The following RPH3A variants were observed in gnomAD, a reference collection of about 807,000 sequenced individuals.
RPH3A encodes the protein rabphilin 3A.
Under a neutral mutation model 102.2 loss-of-function variants are expected in RPH3A, and 48 were observed. The ratio of observed to expected loss-of-function variants is 0.47; its 90% confidence interval spans 0.37 to 0.60. RPH3A has a LOEUF of 0.60. Among genes scored for constraint, RPH3A ranks in the 20% least tolerant of loss-of-function variants. The pLI, the probability that RPH3A is intolerant of heterozygous loss-of-function variation, is 0.00. For missense variants in RPH3A, 781 were observed against 910.1 expected (o/e 0.86, Z 1.83); for synonymous variants, 310 against 324.3 (o/e 0.96, Z 0.47).
At chr12:112,784,149 T>C (rs1360555760) in intron 1 of RPH3A, among the ~76,000 whole-genome samples, 1 of 152,128 alleles carries the variant, frequency 6.6e-6, no homozygotes, top group African/African-American at 2.4e-5. Context: ...GGGGTGGCGG[T>C]GGGTAGAAAA....
intron 1 of RPH3A, among the ~76,000 whole-genome samples, chr12:112,694,683 C>CACAG (rs1389232719): frequency 2.9e-5 from 3 of 103,298 alleles, no homozygotes; most frequent in Middle Eastern, 4.3e-3. Context: ...CACACACACA[C>CACAG]AGAGAGAGAG....
At position 112,897,285 on chromosome 12, in the gene RPH3A, C is replaced by T. The variant is rs944255260; in HGVS notation, c.*505C>T. Reference sequence around the variant, plus strand: ...AATAGAGCCTCCGGGCTCCCACTGCCCCCTGAGATGTACACCCTGATTGCC... The same window carrying T: ...AATAGAGCCTCCGGGCTCCCACTGCTCCCTGAGATGTACACCCTGATTGCC... On this transcript the variant is annotated 3_prime_UTR_variant, in exon 22 of 22. Transcript: ENST00000389385. The T allele has an allele frequency of 1.3e-5, 2 of 158,768 alleles. No individual in the cohort carries two copies. The highest frequency in any genetic ancestry group is 2.4e-5 in the African/African-American group (1 of 41,584). 9.8% of individuals were successfully genotyped at this position (158,768 alleles called of 1,614,324 possible).
intron 2 of RPH3A, among the ~76,000 whole-genome samples, chr12:112,803,952 G>A (rs865916207): frequency 1.4e-4 from 21 of 152,194 alleles, no homozygotes; most frequent in Middle Eastern, 3.2e-3. Flanking sequence ...GAGTGGCTGC[G>A]AGAATTCCAT....
chr12:112,582,620 T>C (rs1232168680), intron 1 of RPH3A, among the ~76,000 whole-genome samples: 3 of 144,522 alleles, frequency 2.1e-5, no homozygotes, highest in Non-Finnish European at 4.5e-5. Flanking sequence ...CTAGCTTTTT[T>C]TTTTTTTTTT....
At chr12:112,821,764 C>G (rs1234756831) in intron 2 of RPH3A, among the ~76,000 whole-genome samples, 2 of 152,166 alleles carry the variant, frequency 1.3e-5, no homozygotes, top group East Asian at 3.8e-4. Flanking sequence ...TCAGTCTTCC[C>G]TACTAGAAGG....
chr12:112,828,109 C>T (rs570381405), intron 2 of RPH3A, among the ~76,000 whole-genome samples, 192 bp from the exon 3 acceptor site: 12 of 152,218 alleles, frequency 7.9e-5, no homozygotes, highest in South Asian at 4.1e-4. Context: ...TTTCTTGCCA[C>T]GGGGTAGCTG....
At chr12:112,856,483 CATGT>C (rs778736649) in intron 5 of RPH3A, among the ~76,000 whole-genome samples, 10 of 86,670 alleles carry the variant, frequency 1.2e-4, no homozygotes, top group African/African-American at 4.4e-4. Context: ...CACACATGTG[CATGT>C]GTGTGTGTGT....
At chr12:112,779,816 G>C (rs2136077473) in intron 1 of RPH3A, among the ~76,000 whole-genome samples, 1 of 152,262 alleles carries the variant, frequency 6.6e-6, no homozygotes, top group South Asian at 2.1e-4. Flanking sequence ...CTCAGGTTAA[G>C]GTGAGGTCAT....
chr12:112,805,710 G>A (rs1016102853), intron 2 of RPH3A, among the ~76,000 whole-genome samples: 9 of 152,178 alleles, frequency 5.9e-5, no homozygotes, highest in African/African-American at 2.2e-4. Flanking sequence ...AGTTGTGTGA[G>A]GTTAAAAGCA....
At chr12:112,671,557 C>T (rs978571606) in intron 1 of RPH3A, among the ~76,000 whole-genome samples, 2 of 152,214 alleles carry the variant, frequency 1.3e-5, no homozygotes, top group African/African-American at 2.4e-5. Flanking sequence ...ACAGCTAGTT[C>T]GGGTGGCTTT....
chr12:112,747,161 C>T (rs2040754026), intron 1 of RPH3A, among the ~76,000 whole-genome samples: 1 of 152,184 alleles, frequency 6.6e-6, no homozygotes, highest in African/African-American at 2.4e-5. Context: ...CCATACCACT[C>T]CCCACCCCAA....
At chr12:112,783,306 C>T (rs2041021555) in intron 1 of RPH3A, among the ~76,000 whole-genome samples, 1 of 152,156 alleles carries the variant, frequency 6.6e-6, no homozygotes, top group African/African-American at 2.4e-5. Flanking sequence ...GGTTACATGG[C>T]ATTGCCCCAC....
intron 1 of RPH3A, among the ~76,000 whole-genome samples, chr12:112,699,281 A>C (rs2040375234): frequency 6.6e-6 from 1 of 152,198 alleles, no homozygotes; most frequent in African/African-American, 2.4e-5. Context: ...TCACACAATT[A>C]AATTATTTAT....
chr12:112,584,556 G>A (rs2039424497), intron 1 of RPH3A, among the ~76,000 whole-genome samples: 1 of 152,228 alleles, frequency 6.6e-6, no homozygotes, highest in African/African-American at 2.4e-5. Flanking sequence ...CACCTCTGGA[G>A]GGGTGGGGCA....
chr12:112,866,798 G>T lies in RPH3A; in HGVS notation c.402G>T (p.Leu134=). ...TKCGVETNNR[L]HSVWLCKICI... ...GCGGAGTGGAGACCAACAACCGCCT[G>T]CATTCTGTGTGGCTCTGCAAAATCT... The change falls in exon 7 of 22, where the codon CTG becomes CTT. Residue 134 remains leucine (L), a synonymous_variant. Coordinates refer to ENST00000389385, the MANE Select transcript of RPH3A (RefSeq NM_001143854.2). The T allele has an allele frequency of 6.2e-7, 1 of 1,611,830 alleles. No individual in the cohort carries two copies. Among genetic ancestry groups the T allele is most frequent in the South Asian group, 1.1e-5 (1 of 90,476 alleles).
chr12:112,846,858 T>A (rs1489394157), intron 4 of RPH3A, among the ~76,000 whole-genome samples: 2 of 152,176 alleles, frequency 1.3e-5, no homozygotes, highest in African/African-American at 4.8e-5. Context: ...GGGCCACAGA[T>A]CCCATTCTTT....
chr12:112,646,060 A>G (rs538647584), intron 1 of RPH3A, among the ~76,000 whole-genome samples: 1 of 152,290 alleles, frequency 6.6e-6, no homozygotes, highest in African/African-American at 2.4e-5. Flanking sequence ...AGAAATGTAT[A>G]CCATTTAGTC....
chr12:112,835,811 CA>C (rs2042039218), intron 3 of RPH3A, among the ~76,000 whole-genome samples: 1 of 152,118 alleles, frequency 6.6e-6, no homozygotes, highest in African/African-American at 2.4e-5. Context: ...AAACCAACAA[CA>C]GGGGAATTTG....
chr12:112,810,290 T>C (rs1336337594), intron 2 of RPH3A, among the ~76,000 whole-genome samples: 1 of 152,198 alleles, frequency 6.6e-6, no homozygotes, highest in Admixed American at 6.5e-5. Flanking sequence ...ACTGATTTTA[T>C]TGTAGAAACT....
Sources: allele counts gnomAD v4.1 joint callset (sites outside exome capture counted in the v4.1 genomes callset), GRCh38; gene constraint gnomAD v4.1.1; transcripts MANE v1.5; gene names NCBI Gene and HGNC (gene_info 2026-07-23, HGNC 2026-07-21).